ADAMTSL1: variants seen among roughly 807,000 people sequenced by gnomAD.
ADAMTSL1 encodes the protein ADAMTS-like protein 1.
In ADAMTSL1, 126 loss-of-function variants were observed where a neutral mutation model predicts 201.8. That is an observed-to-expected ratio of 0.62 (90% CI 0.54 to 0.72). The LOEUF (loss-of-function observed/expected upper bound fraction) is 0.72, where lower values mean the gene tolerates loss of function less well. Among genes scored for constraint, ADAMTSL1 ranks in the 30% least tolerant of loss-of-function variants. ADAMTSL1 has a pLI of 0.00. For missense variants in ADAMTSL1, 2,679 were observed against 2,277.8 expected, an observed-to-expected ratio of 1.18 and a Z score of -3.59; for synonymous variants, 1,121 against 903.4, an observed-to-expected ratio of 1.24 and a Z score of -4.32.
At chr9:18,518,011 C>T (rs958970398) in intron 2 of ADAMTSL1, among the ~76,000 whole-genome samples, 4 of 152,150 alleles carry the variant, frequency 2.6e-5, no homozygotes, top group African/African-American at 7.2e-5. Flanking sequence ...CTATCCCTTG[C>T]TCCCTTCTTT....
At chr9:18,262,047 T>C (rs1423175047) in intron 2 of ADAMTSL1, among the ~76,000 whole-genome samples, 2 of 152,230 alleles carry the variant, frequency 1.3e-5, no homozygotes, top group African/African-American at 4.8e-5. Flanking sequence ...GGGACTTGTA[T>C]AAAATGAGAA....
rs571255187 is a variant in ADAMTSL1, at chr9:18,160,109, A to G, written c.88-3753A>G. Among the ~76,000 whole-genome samples, 5 of 152,078 alleles carry G rather than the reference A, an allele frequency of 3.3e-5. No individual in the cohort carries two copies. The South Asian group carries it at 8.3e-4, about 25-fold the overall frequency. On this transcript the variant is annotated intron_variant, in intron 1 of 29. Coordinates refer to the ADAMTSL1 transcript ENST00000680146. ...TCCATGACTTCCTGGATCTAATACA[A>G]TTCTATTCTGGAAGCTGGTGTTTCT...
chr9:18,210,030 G>A (rs907488136), intron 2 of ADAMTSL1, among the ~76,000 whole-genome samples: 1 of 151,954 alleles, frequency 6.6e-6, no homozygotes, highest in Non-Finnish European at 1.5e-5. Flanking sequence ...CTTTATAAGT[G>A]GGCTACATTG....
At chr9:18,211,597 T>C (rs375473464) in intron 2 of ADAMTSL1, among the ~76,000 whole-genome samples, 11 of 152,336 alleles carry the variant, frequency 7.2e-5, no homozygotes, top group South Asian at 2.1e-4. Context: ...CTCAGCCAAA[T>C]TGACATCTGT....
At chr9:18,578,990 C>T (rs1340328621) in intron 4 of ADAMTSL1, among the ~76,000 whole-genome samples, 1 of 151,678 alleles carries the variant, frequency 6.6e-6, no homozygotes, top group African/African-American at 2.4e-5. Context: ...TGATGATGAG[C>T]ATTTTTTCAT....
At chr9:18,096,438 C>T (rs1341719925) in intron 1 of ADAMTSL1, among the ~76,000 whole-genome samples, 1 of 152,138 alleles carries the variant, frequency 6.6e-6, no homozygotes, top group Non-Finnish European at 1.5e-5. Context: ...TGTGACTGTG[C>T]TGTTCAATAT....
intron 2 of ADAMTSL1, among the ~76,000 whole-genome samples, chr9:18,199,912 G>A (rs1272862958): frequency 1.3e-5 from 2 of 151,848 alleles, no homozygotes; most frequent in African/African-American, 4.8e-5. Context: ...TGTTAGATTT[G>A]TTATCTGCAG....
At chr9:18,115,176 C>T (rs1825197724) in intron 1 of ADAMTSL1, among the ~76,000 whole-genome samples, 4 of 152,132 alleles carry the variant, frequency 2.6e-5, no homozygotes, top group Admixed American at 1.3e-4. Flanking sequence ...CCTGTATTTG[C>T]AGTGGGCTTT....
chr9:18,645,454 G>A (rs1179920885), intron 7 of ADAMTSL1, among the ~76,000 whole-genome samples: 3 of 151,456 alleles, frequency 2.0e-5, no homozygotes, highest in African/African-American at 7.3e-5. Context: ...TAGACATGAA[G>A]TCCTTGCCCA....
rs879667782 is a variant in ADAMTSL1 at position 17,934,917 on chromosome 9, A to C, written c.87+27995A>C. Among the ~76,000 whole-genome samples, 1,274 of 152,030 alleles carry C rather than the reference A, an allele frequency of 8.4e-3. 12 individuals are homozygous for C. Among genetic ancestry groups the C allele is most frequent in the Non-Finnish European group, 0.014 (981 of 67,970 alleles). On this transcript the variant is annotated intron_variant, in intron 1 of 29. Coordinates refer to the ADAMTSL1 transcript ENST00000680146. ...CTATTTCCTTTAAAAAAAAAAAAAA[A>C]AAAACTTCTGTATTGGACCTTCCCC...
Position 18,675,993 on chromosome 9 carries a change from A to G in ADAMTSL1, c.1136+86A>G, listed in dbSNP as rs567362288. 8.2e-6 allele frequency: 10 copies of G among 1,224,850 alleles called. No homozygotes were observed. The African/African-American group carries it at 9.1e-5, about 11-fold the overall frequency. 75.9% of individuals were successfully genotyped at this position (1,224,850 alleles called of 1,614,324 possible). ...TATATATAGAGATATACATATACAT[A>G]GAGAGAGAGATTATATGTTTTTAAG... On this transcript the variant is annotated intron_variant, in intron 10 of 28. Coordinates refer to ENST00000380548, the MANE Select transcript of ADAMTSL1 (RefSeq NM_001040272.6).
At chr9:18,741,559 G>A (rs1319480373) in intron 15 of ADAMTSL1, among the ~76,000 whole-genome samples, 1 of 152,216 alleles carries the variant, frequency 6.6e-6, no homozygotes, top group Non-Finnish European at 1.5e-5. Flanking sequence ...ACTAACTCAA[G>A]GGAGTGTATT....
intron 1 of ADAMTSL1, among the ~76,000 whole-genome samples, chr9:18,094,760 G>T (rs939149399): frequency 6.6e-6 from 1 of 151,242 alleles, no homozygotes; most frequent in Non-Finnish European, 1.5e-5. Context: ...TAGAGACAGG[G>T]TTTCACCATG....
chr9:18,135,351 A>G (rs1826115472), intron 1 of ADAMTSL1, among the ~76,000 whole-genome samples: 1 of 152,216 alleles, frequency 6.6e-6, no homozygotes, highest in Non-Finnish European at 1.5e-5. Flanking sequence ...CTATGAGGAA[A>G]GCAACTCTTT....
intron 1 of ADAMTSL1, among the ~76,000 whole-genome samples, chr9:18,147,810 T>C (rs1410263740): frequency 6.6e-6 from 1 of 152,106 alleles, no homozygotes; most frequent in Non-Finnish European, 1.5e-5. Context: ...CATAGGTGGT[T>C]TACAGTTCAG....
intron 1 of ADAMTSL1, among the ~76,000 whole-genome samples, chr9:17,966,592 T>A (rs558270821): frequency 6.6e-6 from 1 of 152,296 alleles, no homozygotes; most frequent in South Asian, 2.1e-4. Flanking sequence ...TAATATAGTT[T>A]AGTCTTGCCC....
Position 17,943,480 on chromosome 9 carries a change from A to G in ADAMTSL1, c.87+36558A>G, listed in dbSNP as rs190262449. Among the ~76,000 whole-genome samples, 9 of 152,142 alleles carry G rather than the reference A, an allele frequency of 5.9e-5. No homozygotes were observed. The East Asian group carries it at 1.7e-3, about 30-fold the overall frequency. ...TGACTTCCTAAATAATCTTTCCCGA[A>G]CCTTGTGGGTGGGGGTAGTGCCAAA... On this transcript the variant is annotated intron_variant, in intron 1 of 29. Coordinates refer to the ADAMTSL1 transcript ENST00000680146.
intron 22 of ADAMTSL1, 86 bp from the exon 23 acceptor site, chr9:18,829,757 C>G (rs1474979769): frequency 2.0e-5 from 31 of 1,513,342 alleles, no homozygotes; most frequent in Non-Finnish European, 2.6e-5. Flanking sequence ...CATACATGTG[C>G]ACACACATGC....
chr9:18,405,848 A>G (rs569946586), intron 2 of ADAMTSL1, among the ~76,000 whole-genome samples: 56 of 152,212 alleles, frequency 3.7e-4, no homozygotes, highest in Non-Finnish European at 5.1e-4. Flanking sequence ...TGACCATTTC[A>G]TGGCCCCACA....
Sources: gnomAD v4.1 joint callset for allele counts (sites outside exome capture counted in the v4.1 genomes callset) on GRCh38, gnomAD v4.1.1 for gene constraint, MANE v1.5 for transcripts, NCBI Gene and HGNC (gene_info 2026-07-23, HGNC 2026-07-21) for gene names.